The following RAMP1 variants were observed in gnomAD, a reference collection of about 807,000 sequenced individuals.
The protein encoded by RAMP1 is receptor activity-modifying protein 1.
Under a neutral mutation model 8.2 loss-of-function variants are expected in RAMP1, and 7 were observed. That is an observed-to-expected ratio of 0.85 (90% CI 0.49 to 1.60). The LOEUF (loss-of-function observed/expected upper bound fraction) is 1.60, where lower values mean the gene tolerates loss of function less well. Ranked by LOEUF, RAMP1 falls within the 40% of genes most tolerant of loss-of-function variation. The pLI is 0.00. For missense variants in RAMP1, 192 were observed against 202.4 expected (o/e 0.95, Z 0.31); for synonymous variants, 92 against 84.7 (o/e 1.09, Z -0.47).
chr2:237,886,366 G>T lies in RAMP1; in HGVS notation c.191+9004G>T, dbSNP rs553992722. On this transcript the variant is annotated intron_variant, in intron 2 of 2. Coordinates refer to ENST00000254661, the MANE Select transcript of RAMP1 (RefSeq NM_005855.4). ...CCCCTGGAATGTGTTCAGGTCAGGGGTTGCCTCACTTAACGTGCGCGCCAT... is the reference window on the plus strand; with the variant it reads ...CCCCTGGAATGTGTTCAGGTCAGGGTTTGCCTCACTTAACGTGCGCGCCAT... Among the ~76,000 whole-genome samples the T allele has an allele frequency of 5.3e-5, 8 of 152,320 alleles. No homozygotes were observed. In the South Asian group the frequency reaches 1.7e-3, roughly 32 times the overall value.
chr2:237,908,302 C>T (rs921351347), intron 2 of RAMP1, among the ~76,000 whole-genome samples: 1 of 152,140 alleles, frequency 6.6e-6, no homozygotes, highest in African/African-American at 2.4e-5. Flanking sequence ...TTAGACAGGC[C>T]CTTCCCTGTG....
Position 237,878,048 on chromosome 2 carries a change from A to G in RAMP1, c.191+686A>G. 1.0e-6 allele frequency: 1 copy of G among 985,324 alleles called. No individual in the cohort carries two copies. The highest frequency in any genetic ancestry group is 1.2e-6 in the Non-Finnish European group (1 of 829,812). 61.0% of individuals were successfully genotyped at this position (985,324 alleles called of 1,614,324 possible). A position where few individuals can be genotyped will look rare whatever the true frequency, so the allele number is the denominator to read the frequency against. Reference sequence around the variant, plus strand: ...TCAGAACTCGGCATGTCCGCAATCGACTTTCAAGTCCTTGTTTCTGCCTCC... The same window carrying G: ...TCAGAACTCGGCATGTCCGCAATCGGCTTTCAAGTCCTTGTTTCTGCCTCC... On this transcript the variant is annotated intron_variant, in intron 2 of 2. Coordinates refer to ENST00000254661, the MANE Select transcript of RAMP1 (RefSeq NM_005855.4). The surrounding 1 kb of genome is among the most constrained non-coding windows in gnomAD (Gnocchi z 5.7).
At chr2:237,876,542 T>C (rs1368613964) in intron 1 of RAMP1, among the ~76,000 whole-genome samples, 2 of 152,092 alleles carry the variant, frequency 1.3e-5, no homozygotes, top group Non-Finnish European at 2.9e-5. Flanking sequence ...AATGCAAAGC[T>C]TCTGCCCCCA....
intron 1 of RAMP1, among the ~76,000 whole-genome samples, chr2:237,876,161 C>T (rs1470323282): frequency 6.6e-6 from 1 of 152,178 alleles, no homozygotes; most frequent in Non-Finnish European, 1.5e-5. Flanking sequence ...CCGAGGGGCC[C>T]CTCGAGCTCA....
chr2:237,882,538 T>C (rs2062381199), intron 2 of RAMP1, among the ~76,000 whole-genome samples: 1 of 152,162 alleles, frequency 6.6e-6, no homozygotes. Context: ...GGTGGAGGGA[T>C]GCCCTGCCTC....
intron 2 of RAMP1, among the ~76,000 whole-genome samples, chr2:237,897,792 T>G (rs2062557567): frequency 6.9e-6 from 1 of 144,922 alleles, no homozygotes. Flanking sequence ...GGGGGTTTTG[T>G]TTTTTGTTTG....
intron 2 of RAMP1, among the ~76,000 whole-genome samples, chr2:237,881,057 A>G (rs2062363754): frequency 6.6e-6 from 1 of 152,068 alleles, no homozygotes; most frequent in Non-Finnish European, 1.5e-5. Context: ...TGGGCAACTT[A>G]CCTCATCAGT....
chr2:237,883,473 G>A (rs1052853575), intron 2 of RAMP1, among the ~76,000 whole-genome samples: 19 of 152,250 alleles, frequency 1.2e-4, no homozygotes, highest in African/African-American at 3.1e-4. Flanking sequence ...GAGGCCCCCC[G>A]TGATCCCTGC....
chr2:237,876,679 C>A (rs1014251046), intron 1 of RAMP1, among the ~76,000 whole-genome samples: 3 of 152,050 alleles, frequency 2.0e-5, no homozygotes, highest in Non-Finnish European at 2.9e-5. Context: ...CAGTGAGCTA[C>A]GGGGGAAATT....
intron 2 of RAMP1, among the ~76,000 whole-genome samples, chr2:237,902,525 C>T (rs1018319722): frequency 7.9e-5 from 12 of 152,192 alleles, no homozygotes; most frequent in Non-Finnish European, 1.5e-4. Context: ...GGGCCCACCC[C>T]GCACCCCCAC....
At chr2:237,909,831 T>C (rs113532994) in intron 2 of RAMP1, among the ~76,000 whole-genome samples, 10 of 152,192 alleles carry the variant, frequency 6.6e-5, no homozygotes, top group African/African-American at 2.4e-4. Flanking sequence ...CAGAGAGCCC[T>C]GGGGAGCAGA....
At position 237,895,898 on chromosome 2, in the gene RAMP1, C is replaced by T. The variant is rs1455347224; in HGVS notation, c.192-15630C>T. Among the ~76,000 whole-genome samples the T allele has an allele frequency of 5.3e-5, 8 of 152,304 alleles. No homozygotes were observed. The East Asian group carries it at 7.7e-4, about 15-fold the overall frequency. On this transcript the variant is annotated intron_variant, in intron 2 of 2. Transcript: ENST00000254661. ...CGGACACATGTCACACCCATGTCCCCGTGAGGTGGGAACCCTGGGGCCTGG... is the reference window on the plus strand; with the variant it reads ...CGGACACATGTCACACCCATGTCCCTGTGAGGTGGGAACCCTGGGGCCTGG...
intron 2 of RAMP1, among the ~76,000 whole-genome samples, chr2:237,895,288 G>C (rs1263967472): frequency 6.6e-6 from 1 of 152,172 alleles, no homozygotes; most frequent in African/African-American, 2.4e-5. Flanking sequence ...CTGTGGGGGG[G>C]TCATGGGCTC....
At chr2:237,888,401 T>C (rs890897590) in intron 2 of RAMP1, among the ~76,000 whole-genome samples, 2 of 152,186 alleles carry the variant, frequency 1.3e-5, no homozygotes, top group African/African-American at 2.4e-5. Context: ...TAAAGAATTT[T>C]ACTAATTTAT....
At chr2:237,885,867 C>T (rs1576545965) in intron 2 of RAMP1, among the ~76,000 whole-genome samples, 4 of 152,324 alleles carry the variant, frequency 2.6e-5, no homozygotes, top group African/African-American at 9.6e-5. Context: ...GCACGGAAAC[C>T]CGGCTGCTGA....
intron 1 of RAMP1, chr2:237,874,606 A>G (rs1279060767): frequency 2.4e-5 from 22 of 932,316 alleles, no homozygotes; most frequent in Non-Finnish European, 2.6e-5. Context: ...GGGAGTCTGC[A>G]GTGGTTCATG....
intron 2 of RAMP1, among the ~76,000 whole-genome samples, chr2:237,902,027 G>T (rs1434931748): frequency 2.6e-5 from 4 of 152,132 alleles, no homozygotes; most frequent in Non-Finnish European, 4.4e-5. Flanking sequence ...TGGCATGGGG[G>T]CCCTGAGTCA....
At chr2:237,911,091 GTC>G (rs2062708001) in intron 2 of RAMP1, among the ~76,000 whole-genome samples, 3 of 151,904 alleles carry the variant, frequency 2.0e-5, no homozygotes, top group African/African-American at 7.3e-5. Flanking sequence ...GTTACACATA[GTC>G]ACACACAGTC....
At chr2:237,910,754 T>C (rs1039578634) in intron 2 of RAMP1, among the ~76,000 whole-genome samples, 3 of 142,772 alleles carry the variant, frequency 2.1e-5, no homozygotes, top group Non-Finnish European at 4.6e-5. Context: ...ACACAGAAAA[T>C]AGTCACACAC....
Sources: gnomAD v4.1 joint callset for allele counts (sites outside exome capture counted in the v4.1 genomes callset) on GRCh38, gnomAD v4.1.1 for gene constraint, Gnocchi (gnomAD v3.1) non-coding constraint, MANE v1.5 for transcripts, NCBI Gene and HGNC (gene_info 2026-07-23, HGNC 2026-07-21) for gene names.